Variants in GRIK3 observed in about 807,000 individuals in gnomAD.
GRIK3 encodes the protein glutamate ionotropic receptor kainate type subunit 3, also known as glutamate receptor ionotropic, kainate 3.
Under a neutral mutation model 102.5 loss-of-function variants are expected in GRIK3, and 29 were observed. The observed-to-expected ratio is 0.28, with a 90% CI of 0.21 to 0.39. The LOEUF (loss-of-function observed/expected upper bound fraction) is 0.39. Ranked by LOEUF, GRIK3 falls within the 10% of genes least tolerant of loss-of-function variation. The probability of loss-of-function intolerance (pLI) is 1.00; values close to 1 mark genes in which losing one functional copy is unlikely to be tolerated. For synonymous variants in GRIK3, 511 were observed against 504.9 expected (o/e 1.01, Z -0.16); for missense variants, 908 against 1,252.4 (o/e 0.73, Z 4.15).
chr1:36,919,245 G>A (rs1167614350), intron 1 of GRIK3, among the ~76,000 whole-genome samples: 1 of 152,158 alleles, frequency 6.6e-6, no homozygotes, highest in African/African-American at 2.4e-5. Flanking sequence ...GTGCTCTACT[G>A]TGATAAACTC....
chr1:36,945,295 T>C (rs1641770674), intron 1 of GRIK3, among the ~76,000 whole-genome samples: 1 of 152,208 alleles, frequency 6.6e-6, no homozygotes, highest in African/African-American at 2.4e-5. Context: ...CAGTTTAGGG[T>C]AGAAGAAGCA....
intron 1 of GRIK3, among the ~76,000 whole-genome samples, chr1:37,028,957 C>T (rs1049502463): frequency 2.0e-5 from 3 of 152,242 alleles, no homozygotes; most frequent in African/African-American, 7.2e-5. Context: ...TGGCACAGTG[C>T]TTAGTGGCTA....
intron 11 of GRIK3, among the ~76,000 whole-genome samples, chr1:36,820,758 A>C (rs1484061562): frequency 1.3e-5 from 2 of 152,242 alleles, no homozygotes; most frequent in Non-Finnish European, 2.9e-5. Flanking sequence ...GGAGAGAACA[A>C]TGCGTTATAT....
intron 1 of GRIK3, among the ~76,000 whole-genome samples, chr1:36,962,202 G>T (rs148270928): frequency 6.6e-6 from 1 of 152,158 alleles, no homozygotes. Flanking sequence ...AGGTTCGCAT[G>T]TATCAGCTTC....
At chr1:36,864,220 TA>T (rs1457065346) in intron 5 of GRIK3, among the ~76,000 whole-genome samples, 1 of 152,128 alleles carries the variant, frequency 6.6e-6, no homozygotes, top group African/African-American at 2.4e-5. Flanking sequence ...AGAGGGTTGG[TA>T]AACTGCCTGG....
chr1:36,838,974 C>T (rs59517602), intron 10 of GRIK3, among the ~76,000 whole-genome samples: 19,266 of 152,206 alleles, frequency 0.13, 1,329 homozygotes, highest in Non-Finnish European at 0.16. Flanking sequence ...CCTGGCTGCT[C>T]GGAGGCCGTG....
chr1:37,032,142 TG>T (rs1375162397), intron 1 of GRIK3, among the ~76,000 whole-genome samples: 7 of 152,202 alleles, frequency 4.6e-5, no homozygotes, highest in Non-Finnish European at 8.8e-5. Flanking sequence ...CGGGCAGGCT[TG>T]GGGATGCTCT....
chr1:37,009,306 T>A (rs928278112), intron 1 of GRIK3, among the ~76,000 whole-genome samples: 2 of 152,148 alleles, frequency 1.3e-5, no homozygotes, highest in Admixed American at 1.3e-4. Flanking sequence ...TCTCTTCTGA[T>A]GATCTCAAGA....
At chr1:36,926,673 G>A (rs1193589721) in intron 1 of GRIK3, among the ~76,000 whole-genome samples, 1 of 152,058 alleles carries the variant, frequency 6.6e-6, no homozygotes, top group Non-Finnish European at 1.5e-5. Flanking sequence ...ACAGGTGTGA[G>A]CCACCGTGCC....
chr1:36,902,081 ATAAC>A (rs758796371), intron 1 of GRIK3, among the ~76,000 whole-genome samples: 2 of 152,242 alleles, frequency 1.3e-5, no homozygotes, highest in African/African-American at 2.4e-5. Context: ...AAATCAAAGA[ATAAC>A]TAAATAAATG....
At chr1:36,980,946 T>C (rs12024875) in intron 1 of GRIK3, among the ~76,000 whole-genome samples, 1 of 151,882 alleles carries the variant, frequency 6.6e-6, no homozygotes, top group African/African-American at 2.4e-5. Context: ...TCCCATCAGC[T>C]TGGCCAAGAA....
In GRIK3 at chr1:36,806,408, G is replaced by T; in HGVS notation, c.2092-82C>A. 2.5e-6 allele frequency: 2 copies of T among 810,368 alleles called. No homozygotes were observed. The highest frequency in any genetic ancestry group is 2.6e-5 in the East Asian group (1 of 37,886). 50.2% of individuals were successfully genotyped at this position (810,368 alleles called of 1,614,324 possible). A position where few individuals can be genotyped will look rare whatever the true frequency, so the allele number is the denominator to read the frequency against. On this transcript the variant is annotated intron_variant, in intron 13 of 15. Transcript: ENST00000373091. The surrounding 1 kb of genome is among the most constrained non-coding windows in gnomAD (Gnocchi z 4.0). The stretch of plus-strand genomic sequence containing the variant: ...AGCACCGCATACCCTGCACAACGTG[G>T]GTTGGGGCCTTGAACTCGGTCTACA...
intron 1 of GRIK3, among the ~76,000 whole-genome samples, chr1:36,914,405 T>C (rs1391304008): frequency 6.6e-6 from 1 of 152,180 alleles, no homozygotes; most frequent in South Asian, 2.1e-4. Context: ...TCTGCAGGAC[T>C]TCTCTGGGCA....
At chr1:36,937,744 G>T (rs761802639) in intron 1 of GRIK3, among the ~76,000 whole-genome samples, 4 of 152,196 alleles carry the variant, frequency 2.6e-5, no homozygotes, top group Non-Finnish European at 5.9e-5. Flanking sequence ...AATTGCGATT[G>T]CTTCAGGTTT....
chr1:36,810,920 G>T lies in GRIK3; in HGVS notation c.2092-4594C>A, dbSNP rs558210211. Among the ~76,000 whole-genome samples, 23 of 152,296 alleles carry T rather than the reference G, an allele frequency of 1.5e-4. No homozygotes were observed. The South Asian group carries it at 1.9e-3, about 12-fold the overall frequency. ...CAGCACATGCCTGAGGCTTGCTTGTGGGGGGCTACAGGCTGGGGGTGGAGG... is the reference window on the plus strand; with the variant it reads ...CAGCACATGCCTGAGGCTTGCTTGTTGGGGGCTACAGGCTGGGGGTGGAGG... On this transcript the variant is annotated intron_variant, in intron 13 of 15. Coordinates refer to ENST00000373091, the MANE Select transcript of GRIK3 (RefSeq NM_000831.4).
chr1:36,979,987 A>G (rs1429396248), intron 1 of GRIK3, among the ~76,000 whole-genome samples: 1 of 152,184 alleles, frequency 6.6e-6, no homozygotes, highest in African/African-American at 2.4e-5. Context: ...CACCCTCTTG[A>G]GTGGCAACTC....
rs1640960628 is a variant in GRIK3 at position 36,880,537 on chromosome 1, C to T, written c.550+97G>A. 2 of 1,240,126 alleles carry T rather than the reference C, an allele frequency of 1.6e-6. No homozygotes were observed. The highest frequency in any genetic ancestry group is 2.7e-5 in the South Asian group (2 of 75,164). The allele number at this position is 1,240,126 out of a possible 1,614,324, so 76.8% of individuals were successfully genotyped here. ...GGGGTATGGAACACAGCCTCTTCCC[C>T]CAGGGCAGCTGTGCTGAACAAACAG... On this transcript the variant is annotated intron_variant, in intron 3 of 15. Transcript: ENST00000373091. This position sits in a 1 kb window ranked among gnomAD's most constrained non-coding sequence, Gnocchi z 5.4.
intron 1 of GRIK3, among the ~76,000 whole-genome samples, chr1:36,914,671 C>T (rs1641379928): frequency 1.3e-5 from 2 of 152,188 alleles, no homozygotes; most frequent in South Asian, 4.1e-4. Context: ...ACTAGAGACA[C>T]ACAAGAAGAA....
chr1:36,997,060 C>T (rs537085106), intron 1 of GRIK3, among the ~76,000 whole-genome samples: 2 of 152,240 alleles, frequency 1.3e-5, no homozygotes, highest in Admixed American at 6.5e-5. Flanking sequence ...TAGGGACAGC[C>T]AGAAGAAGCC....
Sources: allele counts gnomAD v4.1 joint callset (sites outside exome capture counted in the v4.1 genomes callset), GRCh38; gene constraint gnomAD v4.1.1; non-coding constraint Gnocchi (gnomAD v3.1); transcripts MANE v1.5; gene names NCBI Gene and HGNC (gene_info 2026-07-23, HGNC 2026-07-21).